Variants in SYTL4 observed in about 807,000 individuals in gnomAD.
SYTL4 encodes synaptotagmin like 4, also known as synaptotagmin-like protein 4.
A neutral mutation model predicts 52.7 loss-of-function variants in SYTL4; 16 were observed. That is an observed-to-expected ratio of 0.30 (90% CI 0.21 to 0.46). The LOEUF is 0.46. Among genes scored for constraint, SYTL4 ranks in the 20% least tolerant of loss-of-function variants. The pLI is 1.00. For missense variants in SYTL4, 423 were observed against 519.9 expected (o/e 0.81, Z 1.81); for synonymous variants, 160 against 186.6 (o/e 0.86, Z 1.16).
In SYTL4 at chrX:100,676,077, C is replaced by G. The variant is rs755586303; in HGVS notation, c.1967G>C (p.Gly656Ala). The G allele has an allele frequency of 7.4e-6, 9 of 1,210,775 alleles. No homozygotes were observed. In the South Asian group the frequency reaches 1.2e-4, roughly 17 times the overall value. The change falls in exon 20 of 20, where the codon GGG (glycine) becomes GCG (alanine). Residue 656 changes from glycine (G) to alanine (A), a missense_variant. By Grantham distance (60) the Gly-to-Ala change is moderately conservative. Coordinates refer to ENST00000372989, the MANE Select transcript of SYTL4 (RefSeq NM_001370165.1). ...MRQYPGSWAE[G>A]TLQLRSSMAK... ...CATTGAGGAACGGAGCTGCAGAGTC[C>G]CTTCTGCCCAAGACCCTGGGTACTG...
At position 100,686,089 on chromosome X, in the gene SYTL4, A is replaced by G; in HGVS notation, c.1350T>C (p.Gly450=). 1 of 1,210,638 alleles carries G rather than the reference A, an allele frequency of 8.3e-7. No individual in the cohort carries two copies. Among genetic ancestry groups the G allele is most frequent in the South Asian group, 1.8e-5 (1 of 56,547 alleles). ...RTLQFSVWHH[G]RFGRNTFLGE... is the part of the protein sequence containing the mutation. ...CAAGGAAAGTGTTTCTGCCAAAACGACCATGATGCCAAACTGAGAACTGCA... is the reference window on the plus strand; with the variant it reads ...CAAGGAAAGTGTTTCTGCCAAAACGGCCATGATGCCAAACTGAGAACTGCA... The change falls in exon 16 of 20, where the codon GGT becomes GGC. Residue 450 remains glycine, a synonymous_variant. Coordinates refer to ENST00000372989, the MANE Select transcript of SYTL4 (RefSeq NM_001370165.1).
At position 100,674,954 on chromosome X, in the gene SYTL4, A is replaced by ACAGGGAGACTCTGTCTACATTCC. The variant is rs2083253470; in HGVS notation, c.*1051_*1073dup. On this transcript the variant is annotated 3_prime_UTR_variant, in exon 20 of 20. Coordinates refer to ENST00000372989, the MANE Select transcript of SYTL4 (RefSeq NM_001370165.1). Reference sequence around the variant, plus strand: ...GCTCATCAAGCAGGAAGTCAGAATAACAGGGAGACTCTGTCTACATTCCCT... The same window carrying ACAGGGAGACTCTGTCTACATTCC: ...GCTCATCAAGCAGGAAGTCAGAATAACAGGGAGACTCTGTCTACATTCCCAGGGAGACTCTGTCTACATTCCCT... 1.8e-5 allele frequency: 2 copies of ACAGGGAGACTCTGTCTACATTCC among 111,875 alleles called. No individual in the cohort carries two copies. Among genetic ancestry groups the ACAGGGAGACTCTGTCTACATTCC allele is most frequent in the South Asian group, 7.6e-4 (2 of 2,645 alleles). The allele number at this position is 111,875 out of a possible 1,213,427, so 9.2% of individuals were successfully genotyped here.
At chrX:100,709,673 T>C (rs1456224469) in intron 2 of SYTL4, among the ~76,000 whole-genome samples, 1 of 112,545 alleles carries the variant, frequency 8.9e-6, no homozygotes, top group East Asian at 2.8e-4. Flanking sequence ...TTGGGGCTTG[T>C]TTTTATAAAG....
rs1425191805 is a variant in SYTL4 at position 100,686,748 on chromosome X, G to A, written c.1218C>T (p.Ser406=). Residue 406 remains serine (S), a synonymous_variant, in exon 15 of 20, where the codon TCC becomes TCT. Transcript: ENST00000372989. ...TGCTGGTTTTTCTTTTTCCTTGGCGGGACTTGTCAGGCAGAAGGTAAGTCT... is the reference window on the plus strand; with the variant it reads ...TGCTGGTTTTTCTTTTTCCTTGGCGAGACTTGTCAGGCAGAAGGTAAGTCT... ...YVKTYLLPDK[S]RQGKRKTSIK... 6.6e-6 allele frequency: 8 copies of A among 1,210,416 alleles called. No individual in the cohort carries two copies. The highest frequency in any genetic ancestry group is 7.8e-6 in the Non-Finnish European group (7 of 894,544).
At chrX:100,720,614 A>T (rs2084321671) in intron 2 of SYTL4, among the ~76,000 whole-genome samples, 1 of 112,338 alleles carries the variant, frequency 8.9e-6, no homozygotes, top group African/African-American at 3.2e-5. Flanking sequence ...CAGTCCCCTT[A>T]AATGTGAAAT....
At chrX:100,688,265 C>T in intron 13 of SYTL4, 86 bp downstream of exon 13, 1 of 770,960 alleles carries the variant, frequency 1.3e-6, no homozygotes, top group Non-Finnish European at 2.0e-6. Flanking sequence ...GATGGTTTCC[C>T]CAGGTCCCGA....
At chrX:100,721,172 A>G (rs1406338960) in intron 2 of SYTL4, among the ~76,000 whole-genome samples, 1 of 112,004 alleles carries the variant, frequency 8.9e-6, no homozygotes, top group East Asian at 2.8e-4. Context: ...TTCAATACTG[A>G]CATAGTAAGT....
intron 15 of SYTL4, 165 bp downstream of exon 15, chrX:100,686,514 T>C (rs887827877): frequency 4.6e-6 from 2 of 430,292 alleles, no homozygotes; most frequent in African/African-American, 5.0e-5. Flanking sequence ...ATCACCTTTG[T>C]TCTCTTCACT....
At position 100,675,889 on chromosome X, in the gene SYTL4, T is replaced by TACACCC. The variant is rs2083266901; in HGVS notation, c.*138_*139insGGGTGT. ...GAGATTTGCAGAAAATACATGTTTG[T>TACACCC]ACACATACACACACACACACACACA... On this transcript the variant is annotated 3_prime_UTR_variant, in exon 20 of 20. Coordinates refer to ENST00000372989, the MANE Select transcript of SYTL4 (RefSeq NM_001370165.1). 1 of 320,623 alleles carries TACACCC rather than the reference T, an allele frequency of 3.1e-6. No individual in the cohort carries two copies. Among genetic ancestry groups the TACACCC allele is most frequent in the African/African-American group, 2.9e-5 (1 of 33,944 alleles). The allele number at this position is 320,623 out of a possible 1,213,427, so 26.4% of individuals were successfully genotyped here. A position where few individuals can be genotyped will look rare whatever the true frequency, so the allele number is the denominator to read the frequency against.
intron 9 of SYTL4, 82 bp from the exon 10 acceptor site, chrX:100,690,720 G>A: frequency 1.3e-6 from 1 of 743,352 alleles, no homozygotes; most frequent in Non-Finnish European, 2.0e-6. Context: ...TATGGAAGGA[G>A]AGCCAATGGC....
At chrX:100,687,015 C>CGGGGTCT (rs1379725588) in intron 14 of SYTL4, 52 bp downstream of exon 14, 7 of 1,158,449 alleles carry the variant, frequency 6.0e-6, no homozygotes, top group Non-Finnish European at 8.2e-6. Context: ...GGACAGATGC[C>CGGGGTCT]GGGGTCTGGT....
At chrX:100,690,999 G>C (rs760170756) in intron 9 of SYTL4, 109 bp downstream of exon 9, 1 of 584,896 alleles carries the variant, frequency 1.7e-6, no homozygotes, top group Admixed American at 2.9e-5. Flanking sequence ...TGAGGACAGA[G>C]AAAATACTTC....
intron 3 of SYTL4, among the ~76,000 whole-genome samples, 167 bp from the exon 4 acceptor site, chrX:100,703,352 C>A (rs2083894364): frequency 8.9e-6 from 1 of 111,847 alleles, no homozygotes; most frequent in Admixed American, 9.5e-5. Flanking sequence ...GGCAACAAAG[C>A]AAGATCCTGT....
chrX:100,714,386 A>G (rs1314652408), intron 2 of SYTL4, among the ~76,000 whole-genome samples: 1 of 109,176 alleles, frequency 9.2e-6, no homozygotes, highest in Non-Finnish European at 1.9e-5. Context: ...CAGCCTCCCG[A>G]GTAGCTGGGA....
At chrX:100,719,352 C>T (rs1039451561) in intron 2 of SYTL4, among the ~76,000 whole-genome samples, 1 of 111,449 alleles carries the variant, frequency 9.0e-6, no homozygotes, top group Admixed American at 9.5e-5. Flanking sequence ...CCGTCTGGTT[C>T]CAGAGTCCAA....
rs1456810149 is a variant in SYTL4 at position 100,679,338 on chromosome X, C to T, written c.1633G>A (p.Gly545Arg). The T allele has an allele frequency of 8.3e-7, 1 of 1,209,416 alleles. No homozygotes were observed. Among genetic ancestry groups the T allele is most frequent in the African/African-American group, 1.7e-5 (1 of 57,164 alleles). The change falls in exon 18 of 20, where the codon GGG becomes AGG. Residue 545 changes from glycine (G) to arginine (R), a missense_variant. Physicochemically the swap from Gly to Arg is moderately radical, Grantham distance 125. Coordinates refer to ENST00000372989, the MANE Select transcript of SYTL4 (RefSeq NM_001370165.1). ...AKNLTAAKAG[G>R]TSDSFVKGYL... is the part of the protein sequence containing the mutation. ...CCCTTGACAAAGCTGTCTGAAGTCCCTCCTGCTTTGGCAGCCGTCAAGTTC... is the reference window on the plus strand; with the variant it reads ...CCCTTGACAAAGCTGTCTGAAGTCCTTCCTGCTTTGGCAGCCGTCAAGTTC...
chrX:100,688,705 C>T (rs2083523665), intron 12 of SYTL4, among the ~76,000 whole-genome samples: 3 of 108,988 alleles, frequency 2.8e-5, no homozygotes, highest in South Asian at 4.2e-4. Context: ...GCTGGGATTA[C>T]AGGCACCCGC....
At chrX:100,679,117 C>T (rs1253259423) in intron 18 of SYTL4, among the ~76,000 whole-genome samples, 196 bp downstream of exon 18, 1 of 112,102 alleles carries the variant, frequency 8.9e-6, no homozygotes, top group African/African-American at 3.2e-5. Flanking sequence ...CTGCAGCCCT[C>T]CTCTTTGGAT....
chrX:100,680,932 A>C (rs1360612348), intron 17 of SYTL4, among the ~76,000 whole-genome samples: 1 of 111,142 alleles, frequency 9.0e-6, no homozygotes, highest in Admixed American at 9.6e-5. Flanking sequence ...TCTCCCAGCC[A>C]CCCTTCTCAG....
Sources: gnomAD v4.1 joint callset for allele counts (sites outside exome capture counted in the v4.1 genomes callset) on GRCh38, gnomAD v4.1.1 for gene constraint, MANE v1.5 for transcripts, NCBI Gene and HGNC (gene_info 2026-07-23, HGNC 2026-07-21) for gene names.